The following RSRC1 variants were observed in gnomAD, a reference collection of about 807,000 sequenced individuals.
RSRC1 encodes arginine and serine rich coiled-coil 1.
In RSRC1, 39 loss-of-function variants were observed where a neutral mutation model predicts 49.1. The ratio of observed to expected loss-of-function variants is 0.79; its 90% CI spans 0.61 to 1.04. The LOEUF (loss-of-function observed/expected upper bound fraction) is 1.04, where lower values mean the gene tolerates loss of function less well. Ranked by LOEUF, RSRC1 falls within the 50% of genes least tolerant of loss-of-function variation. The pLI is 0.00. For missense variants in RSRC1, 388 were observed against 402.4 expected, an observed-to-expected ratio of 0.96 and a Z score of 0.31; for synonymous variants, 143 against 130.8, an observed-to-expected ratio of 1.09 and a Z score of -0.63.
intron 7 of RSRC1, among the ~76,000 whole-genome samples, chr3:158,489,858 T>C (rs1031228342): frequency 6.6e-6 from 1 of 152,166 alleles, no homozygotes; most frequent in Non-Finnish European, 1.5e-5. Flanking sequence ...TTACTAACCT[T>C]CTGAAAGATA....
chr3:158,474,851 G>A (rs1159867130), intron 7 of RSRC1, among the ~76,000 whole-genome samples: 1 of 152,114 alleles, frequency 6.6e-6, no homozygotes, highest in African/African-American at 2.4e-5. Context: ...AAATCTCCCT[G>A]TGATGCTCTA....
chr3:158,445,483 C>A (rs2362972), intron 6 of RSRC1, among the ~76,000 whole-genome samples: 91,527 of 151,570 alleles, frequency 0.6, 28,511 homozygotes, highest in African/African-American at 0.74. Context: ...GAAGGGGAAC[C>A]TCACACACCG....
At chr3:158,525,819 T>A (rs1272908490) in intron 7 of RSRC1, among the ~76,000 whole-genome samples, 1 of 151,932 alleles carries the variant, frequency 6.6e-6, no homozygotes, top group Non-Finnish European at 1.5e-5. Context: ...TATATGGAAG[T>A]CTAGAAAATG....
intron 3 of RSRC1, among the ~76,000 whole-genome samples, chr3:158,177,599 C>G (rs1157494156): frequency 6.6e-6 from 1 of 151,174 alleles, no homozygotes; most frequent in Non-Finnish European, 1.5e-5. Context: ...AATGAGAACA[C>G]TTGGACACGG....
chr3:158,453,312 G>T (rs1737148069), intron 6 of RSRC1, among the ~76,000 whole-genome samples: 1 of 151,312 alleles, frequency 6.6e-6, no homozygotes, highest in Admixed American at 6.6e-5. Flanking sequence ...CTACAAGTGG[G>T]ATTGCTTGAT....
At chr3:158,208,952 G>C (rs991794723) in intron 4 of RSRC1, among the ~76,000 whole-genome samples, 3 of 145,794 alleles carry the variant, frequency 2.1e-5, no homozygotes, top group African/African-American at 8.5e-5. Context: ...ACATATAGTT[G>C]ACTGGTATAA....
chr3:158,390,054 A>G (rs1290190920), intron 6 of RSRC1, among the ~76,000 whole-genome samples: 3 of 152,210 alleles, frequency 2.0e-5, no homozygotes, highest in Non-Finnish European at 4.4e-5. Context: ...TAGCAATCTT[A>G]CTGTGCCTTA....
intron 3 of RSRC1, among the ~76,000 whole-genome samples, chr3:158,179,742 GAATA>G: frequency 6.6e-6 from 1 of 152,072 alleles, no homozygotes; most frequent in South Asian, 2.1e-4. Context: ...CATTTCTCTG[GAATA>G]AATACCCAAG....
intron 6 of RSRC1, among the ~76,000 whole-genome samples, chr3:158,398,467 G>T (rs1733724207): frequency 6.6e-6 from 1 of 152,086 alleles, no homozygotes; most frequent in South Asian, 2.1e-4. Flanking sequence ...GGTCTAGCTA[G>T]TTCACTGTAG....
chr3:158,256,664 C>T (rs976597309), intron 4 of RSRC1, among the ~76,000 whole-genome samples: 3 of 152,212 alleles, frequency 2.0e-5, no homozygotes, highest in African/African-American at 7.2e-5. Flanking sequence ...ACTCTTTGTA[C>T]CTCTAGTAGA....
At chr3:158,430,354 G>A in intron 6 of RSRC1, among the ~76,000 whole-genome samples, 1 of 151,888 alleles carries the variant, frequency 6.6e-6, no homozygotes, top group East Asian at 1.9e-4. Context: ...GCTCCAGGCA[G>A]CCACTAGCAT....
chr3:158,224,424 A>G (rs958420112), intron 4 of RSRC1, among the ~76,000 whole-genome samples: 4 of 151,922 alleles, frequency 2.6e-5, no homozygotes, highest in South Asian at 2.1e-4. Context: ...ATAGTGTTCA[A>G]TATATTATAT....
intron 7 of RSRC1, among the ~76,000 whole-genome samples, chr3:158,509,458 C>T (rs1043805496): frequency 6.6e-6 from 1 of 152,096 alleles, no homozygotes; most frequent in African/African-American, 2.4e-5. Flanking sequence ...AGAATTCTCT[C>T]TATGCTTTCA....
In RSRC1 at chr3:158,203,098, C is replaced by T. The variant is rs1428210096; in HGVS notation, c.347C>T (p.Ser116Phe). ...TCCAGGTCAAGACCTCGTCTCCGTTCTCATAGTCGTAGCAGTGAAAGGTCC... is the reference window on the plus strand; with the variant it reads ...TCCAGGTCAAGACCTCGTCTCCGTTTTCATAGTCGTAGCAGTGAAAGGTCC... ...RRSRSRPRLR[S>F]HSRSSERSSH... Residue 116 changes from serine (S) to phenylalanine (F), a missense_variant, in exon 4 of 10, where the codon TCT becomes TTT. By Grantham distance (155) the Ser-to-Phe change is radical. Coordinates refer to ENST00000611884, the MANE Select transcript of RSRC1 (RefSeq NM_001271838.2). 6.2e-7 allele frequency: 1 copy of T among 1,613,318 alleles called. No individual in the cohort carries two copies. The highest frequency in any genetic ancestry group is 1.1e-5 in the South Asian group (1 of 90,994).
intron 4 of RSRC1, among the ~76,000 whole-genome samples, chr3:158,295,161 A>C (rs558199353): frequency 3.9e-5 from 6 of 152,218 alleles, no homozygotes; most frequent in East Asian, 1.9e-4. Flanking sequence ...GACAAGGAGA[A>C]GGTTTCCCCA....
chr3:158,175,228 C>G (rs1432465205), intron 3 of RSRC1, among the ~76,000 whole-genome samples: 1 of 151,824 alleles, frequency 6.6e-6, no homozygotes, highest in African/African-American at 2.4e-5. Context: ...GTTATAAACC[C>G]TTTGTTGATA....
intron 5 of RSRC1, among the ~76,000 whole-genome samples, chr3:158,328,097 T>C (rs567069983): frequency 2.0e-5 from 3 of 152,244 alleles, no homozygotes; most frequent in East Asian, 1.9e-4. Context: ...AGATCTTCCT[T>C]CATCCCTTTA....
intron 4 of RSRC1, among the ~76,000 whole-genome samples, chr3:158,246,082 T>TCTTCCTGTAC (rs1046415346): frequency 2.0e-4 from 31 of 152,252 alleles, no homozygotes; most frequent in African/African-American, 7.2e-4. Flanking sequence ...AATGATGAGT[T>TCTTCCTGTAC]CATGTCCTTT....
intron 5 of RSRC1, among the ~76,000 whole-genome samples, chr3:158,338,060 A>G (rs1730018458): frequency 6.6e-6 from 1 of 152,228 alleles, no homozygotes; most frequent in African/African-American, 2.4e-5. Flanking sequence ...GTATTGGATC[A>G]TGAATATGGG....
Sources: allele counts gnomAD v4.1 joint callset (sites outside exome capture counted in the v4.1 genomes callset), GRCh38; gene constraint gnomAD v4.1.1; transcripts MANE v1.5; gene names NCBI Gene and HGNC (gene_info 2026-07-23, HGNC 2026-07-21).